The following VSIR variants were observed in gnomAD, a reference collection of about 807,000 sequenced individuals.
VSIR encodes the protein V-set immunoregulatory receptor.
In VSIR, 10 loss-of-function variants were observed where a neutral mutation model predicts 31.0. The observed-to-expected ratio is 0.32, with a 90% CI of 0.20 to 0.55. The LOEUF (loss-of-function observed/expected upper bound fraction) is 0.55, where lower values mean the gene tolerates loss of function less well. Ranked by LOEUF, VSIR falls within the 20% of genes least tolerant of loss-of-function variation. The pLI is 0.93. For synonymous variants in VSIR, 179 were observed against 180.1 expected, an observed-to-expected ratio of 0.99 and a Z score of 0.05; for missense variants, 356 against 416.2, an observed-to-expected ratio of 0.86 and a Z score of 1.26.
chr10:71,759,898 C>CATACATACAT lies in VSIR; in HGVS notation c.568+969_568+970insATGTATGTAT, dbSNP rs1840268742. Reference sequence around the variant, plus strand: ...ACACACACACACATATACACACACACATATATACACACACACATATATACA... The same window carrying CATACATACAT: ...ACACACACACACATATACACACACACATACATACATATATATACACACACACATATATACA... On this transcript the variant is annotated intron_variant, in intron 3 of 6. Coordinates refer to ENST00000394957, the MANE Select transcript of VSIR (RefSeq NM_022153.2). Among the ~76,000 whole-genome samples, 7 of 50,656 alleles carry CATACATACAT rather than the reference C, an allele frequency of 1.4e-4. 1 individual carries two copies. The highest frequency in any genetic ancestry group is 3.5e-4 in the Non-Finnish European group (7 of 20,212). The allele number at this position is 50,656 out of a possible 152,430, so 33.2% of individuals were successfully genotyped here.
At chr10:71,761,466 C>T (rs1840382268) in intron 2 of VSIR, 132 bp downstream of exon 2, 1 of 1,117,540 alleles carries the variant, frequency 8.9e-7, no homozygotes, top group Non-Finnish European at 1.2e-6. Context: ...CCATCTCACC[C>T]ACACACTCCC....
In VSIR at chr10:71,751,118, T is replaced by C; in HGVS notation, c.*135A>G. On this transcript the variant is annotated 3_prime_UTR_variant, in exon 7 of 7. Coordinates refer to ENST00000394957, the MANE Select transcript of VSIR (RefSeq NM_022153.2). The surrounding 1 kb of genome is among the most constrained non-coding windows in gnomAD (Gnocchi z 4.9). ...GGGTTGAGGGGCTGGGCTTCTGGGA[T>C]GTCACAGTATCTGAGCCCAGAGCAG... is the stretch of plus-strand genomic sequence containing the variant. The C allele has an allele frequency of 9.6e-7, 1 of 1,042,312 alleles. No homozygotes were observed. Among genetic ancestry groups the C allele is most frequent in the Non-Finnish European group, 1.4e-6 (1 of 724,092 alleles). 64.6% of individuals were successfully genotyped at this position (1,042,312 alleles called of 1,614,324 possible).
At chr10:71,763,483 C>G in intron 1 of VSIR, among the ~76,000 whole-genome samples, 1 of 152,206 alleles carries the variant, frequency 6.6e-6, no homozygotes, top group Non-Finnish European at 1.5e-5. Context: ...CCTTCCCTGC[C>G]CTTAGAGCCC....
At chr10:71,754,541 G>A (rs1333298085) in intron 4 of VSIR, among the ~76,000 whole-genome samples, 2 of 152,142 alleles carry the variant, frequency 1.3e-5, no homozygotes, top group Non-Finnish European at 1.5e-5. Context: ...AAGACTCAAG[G>A]GCAGGGTCAG....
intron 5 of VSIR, 87 bp downstream of exon 5, chr10:71,752,888 C>G (rs1332341111): frequency 6.0e-6 from 9 of 1,490,162 alleles, no homozygotes; most frequent in Non-Finnish European, 8.3e-6. Context: ...CTCTAGGCAG[C>G]TAAACAGGGC....
chr10:71,766,094 A>C (rs988277517), intron 1 of VSIR, among the ~76,000 whole-genome samples: 11 of 152,230 alleles, frequency 7.2e-5, no homozygotes, highest in African/African-American at 2.7e-4. Context: ...ATCTGTGCAC[A>C]TGCCTGTGTG....
At chr10:71,760,685 G>C in intron 3 of VSIR, 183 bp downstream of exon 3, 1 of 621,832 alleles carries the variant, frequency 1.6e-6, no homozygotes, top group Non-Finnish European at 2.9e-6. Context: ...TGGAAGGAGA[G>C]TGGGCTTCTG....
intron 5 of VSIR, chr10:71,752,146 A>T: frequency 1.7e-6 from 1 of 582,254 alleles, no homozygotes; most frequent in Non-Finnish European, 3.2e-6. Context: ...GAAGCCAAAA[A>T]TCACAGACAC....
intron 1 of VSIR, among the ~76,000 whole-genome samples, chr10:71,769,229 T>TTTTTCTCTCAC (rs1564785024): frequency 6.6e-6 from 1 of 152,228 alleles, no homozygotes; most frequent in Non-Finnish European, 1.5e-5. Context: ...CTCTAAAACA[T>TTTTTCTCTCAC]TTGCTAATCT....
At position 71,760,859 on chromosome 10, in the gene VSIR, G is replaced by A. The variant is rs958983071; in HGVS notation, c.568+9C>T. Reference sequence around the variant, plus strand: ...AGAACCCAAAAGGGGCAAGAGGTTGGTCCCTTACTTTCACTATCCTGGGAG... The same window carrying A: ...AGAACCCAAAAGGGGCAAGAGGTTGATCCCTTACTTTCACTATCCTGGGAG... On this transcript the variant is annotated intron_variant, in intron 3 of 6. Transcript: ENST00000394957. 5.6e-6 allele frequency: 9 copies of A among 1,611,988 alleles called. No individual in the cohort carries two copies. Among genetic ancestry groups the A allele is most frequent in the African/African-American group, 1.3e-5 (1 of 74,846 alleles).
In VSIR at chr10:71,750,851, C is replaced by A; in HGVS notation, c.*402G>T. 5.8e-6 allele frequency: 1 copy of A among 171,364 alleles called. No homozygotes were observed. Among genetic ancestry groups the A allele is most frequent in the Non-Finnish European group, 1.2e-5 (1 of 80,632 alleles). The allele number at this position is 171,364 out of a possible 1,614,324, so 10.6% of individuals were successfully genotyped here. On this transcript the variant is annotated 3_prime_UTR_variant, in exon 7 of 7. Transcript: ENST00000394957. The stretch of plus-strand genomic sequence containing the variant: ...GGGGGAGAAGTCTCTCCACCGTGCC[C>A]TGTGTCTGGTGCCTGGGAGGGTGGC...
chr10:71,761,164 T>G (rs532708167), intron 2 of VSIR, among the ~76,000 whole-genome samples: 16 of 152,176 alleles, frequency 1.1e-4, no homozygotes, highest in East Asian at 1.9e-4. Flanking sequence ...CACACCTCTA[T>G]CCGAACCATG....
intron 4 of VSIR, 185 bp downstream of exon 4, chr10:71,755,174 A>C: frequency 1.4e-6 from 1 of 690,386 alleles, no homozygotes; most frequent in Non-Finnish European, 2.6e-6. Context: ...GGCCCCCGGA[A>C]ATGGCATGCC....
chr10:71,760,236 TACA>T, intron 3 of VSIR, among the ~76,000 whole-genome samples: 1 of 29,612 alleles, frequency 3.4e-5, no homozygotes, highest in Admixed American at 2.9e-4. Flanking sequence ...TATATGTATA[TACA>T]TATATATGTA....
At chr10:71,753,218 C>T (rs1448541564) in intron 4 of VSIR, among the ~76,000 whole-genome samples, 2 of 152,230 alleles carry the variant, frequency 1.3e-5, no homozygotes, top group Admixed American at 6.5e-5. Flanking sequence ...CCCATTTTGA[C>T]GACTGATAAA....
chr10:71,753,942 G>C, intron 4 of VSIR: 1 of 450,834 alleles, frequency 2.2e-6, no homozygotes, highest in Non-Finnish European at 4.5e-6. Flanking sequence ...TTTGGGGTGA[G>C]GGTTGTTGGT....
chr10:71,760,846 G>A, intron 3 of VSIR, 22 bp downstream of exon 3: 1 of 1,607,414 alleles, frequency 6.2e-7, no homozygotes, highest in South Asian at 1.1e-5. Context: ...AACCCAAAAG[G>A]GGCAAGAGGT....
At chr10:71,769,345 C>T (rs557998789) in intron 1 of VSIR, among the ~76,000 whole-genome samples, 3 of 152,136 alleles carry the variant, frequency 2.0e-5, no homozygotes, top group African/African-American at 7.2e-5. Flanking sequence ...GAATTCAATA[C>T]CCTTATATGG....
At chr10:71,755,522 G>A (rs1840118430) in intron 3 of VSIR, 56 bp from the exon 4 acceptor site, 2 of 1,503,000 alleles carry the variant, frequency 1.3e-6, no homozygotes, top group Non-Finnish European at 1.8e-6. Context: ...CTCCTCCTGA[G>A]CATAAACTGA....
Sources: gnomAD v4.1 joint callset for allele counts (sites outside exome capture counted in the v4.1 genomes callset) on GRCh38, gnomAD v4.1.1 for gene constraint, Gnocchi (gnomAD v3.1) non-coding constraint, MANE v1.5 for transcripts, NCBI Gene and HGNC (gene_info 2026-07-23, HGNC 2026-07-21) for gene names.